The following NKIRAS1 variants were observed in gnomAD, a reference collection of about 807,000 sequenced individuals.
The protein encoded by NKIRAS1 is NF-kappa-B inhibitor-interacting Ras-like protein 1.
A neutral mutation model predicts 19.8 loss-of-function variants in NKIRAS1; 16 were observed. The observed-to-expected ratio is 0.81, with a 90% CI of 0.55 to 1.23. The LOEUF (loss-of-function observed/expected upper bound fraction) is 1.23, where lower values mean the gene tolerates loss of function less well. Among genes scored for constraint, NKIRAS1 ranks in the 50% most tolerant of loss-of-function variants. The probability of loss-of-function intolerance (pLI) is 0.00; values close to 1 mark genes in which losing one functional copy is unlikely to be tolerated. For missense variants in NKIRAS1, 184 were observed against 220.0 expected, an observed-to-expected ratio of 0.84 and a Z score of 1.04; for synonymous variants, 88 against 79.0, an observed-to-expected ratio of 1.11 and a Z score of -0.61.
intron 1 of NKIRAS1, among the ~76,000 whole-genome samples, chr3:23,937,173 GT>G (rs1406347949): frequency 1.6e-5 from 2 of 122,860 alleles, no homozygotes; most frequent in African/African-American, 6.0e-5. Flanking sequence ...TGAGGCTAGA[GT>G]TCGAGACCAG....
intron 1 of NKIRAS1, among the ~76,000 whole-genome samples, chr3:23,912,440 A>T (rs1473538818): frequency 6.6e-6 from 1 of 152,236 alleles, no homozygotes; most frequent in African/African-American, 2.4e-5. Context: ...ACATGAAAAA[A>T]TGCTCATCAT....
chr3:23,916,356 C>T (rs1704426304), intron 1 of NKIRAS1: 1 of 152,162 alleles, frequency 6.6e-6, no homozygotes, highest in Non-Finnish European at 1.5e-5. Flanking sequence ...CTCGGCATTT[C>T]TTCTCTAAAA....
intron 3 of NKIRAS1, among the ~76,000 whole-genome samples, chr3:23,906,100 AGT>A (rs1703019654): frequency 7.1e-6 from 1 of 140,780 alleles, no homozygotes; most frequent in Admixed American, 7.8e-5. Context: ...TGGAGGTTGC[AGT>A]GAGCCGAGAT....
At chr3:23,946,148 G>A (rs1705694319) in intron 1 of NKIRAS1, 2 of 985,096 alleles carry the variant, frequency 2.0e-6, no homozygotes, top group Non-Finnish European at 1.2e-6. Flanking sequence ...GTTGCACACT[G>A]CGGAGGAGGC....
At chr3:23,902,114 A>G (rs1003245186) in intron 3 of NKIRAS1, among the ~76,000 whole-genome samples, 1 of 152,084 alleles carries the variant, frequency 6.6e-6, no homozygotes, top group Non-Finnish European at 1.5e-5. Context: ...TGAATGTGAG[A>G]TACATCCAGA....
In NKIRAS1 at chr3:23,890,165, T is replaced by C. The variant is rs1319529035; in HGVS notation, c.*2930A>G. Among the ~76,000 whole-genome samples the C allele has an allele frequency of 2.6e-5, 4 of 152,174 alleles. No homozygotes were observed. The highest frequency in any genetic ancestry group is 7.2e-5 in the African/African-American group (3 of 41,438). On this transcript the variant is annotated 3_prime_UTR_variant, in exon 5 of 5. Transcript: ENST00000425478. ...TAAGGGTCACATGAACACAGCTGGA[T>C]GTTCATTGCAGTCTGAAGCCTTGAC...
chr3:23,931,629 A>G (rs907832715), intron 1 of NKIRAS1, among the ~76,000 whole-genome samples: 1 of 152,148 alleles, frequency 6.6e-6, no homozygotes, highest in Non-Finnish European at 1.5e-5. Flanking sequence ...TTTAAGTTTA[A>G]TGCATTCATT....
upstream of NKIRAS1, chr3:23,920,204 A>T (rs955108818): frequency 7.1e-6 from 7 of 985,778 alleles, no homozygotes; most frequent in Admixed American, 3.7e-4. Context: ...CTTAGACGTC[A>T]ACCCTAAAAT....
intron 1 of NKIRAS1, among the ~76,000 whole-genome samples, chr3:23,915,377 G>C (rs1404266112): frequency 6.6e-6 from 1 of 152,116 alleles, no homozygotes; most frequent in African/African-American, 2.4e-5. Context: ...TTTGGTTTTA[G>C]CTTGGTGATA....
chr3:23,917,690 G>T, upstream of NKIRAS1: 1 of 665,434 alleles, frequency 1.5e-6, no homozygotes, highest in Non-Finnish European at 2.5e-6. Flanking sequence ...CTCCGTGGGC[G>T]CAGTGGTGGG....
At position 23,892,901 on chromosome 3, in the gene NKIRAS1, T is replaced by A. The variant is rs184386871; in HGVS notation, c.*194A>T. On this transcript the variant is annotated 3_prime_UTR_variant, in exon 5 of 5. Coordinates refer to ENST00000425478, the MANE Select transcript of NKIRAS1 (RefSeq NM_020345.4). ...AAACAATGAGAATAAGAATATATTA[T>A]TTCATATCAGGCAATAATAACCTTA... The A allele has an allele frequency of 4.3e-4, 178 of 409,390 alleles. 1 individual carries two copies. The East Asian group carries it at 6.6e-3, about 15-fold the overall frequency. 25.4% of individuals were successfully genotyped at this position (409,390 alleles called of 1,614,324 possible).
chr3:23,898,507 A>T (rs1397584971), intron 4 of NKIRAS1, among the ~76,000 whole-genome samples: 5 of 150,528 alleles, frequency 3.3e-5, no homozygotes, highest in African/African-American at 1.2e-4. Flanking sequence ...CAATGGCATG[A>T]TCTCAGCTCA....
At chr3:23,895,986 A>C (rs6798052) in intron 4 of NKIRAS1, among the ~76,000 whole-genome samples, 1 of 151,406 alleles carries the variant, frequency 6.6e-6, no homozygotes, top group South Asian at 2.1e-4. Flanking sequence ...TACAAAAAAA[A>C]TAGCCGGGCA....
At chr3:23,912,830 C>G (rs903051917) in intron 1 of NKIRAS1, among the ~76,000 whole-genome samples, 1 of 151,958 alleles carries the variant, frequency 6.6e-6, no homozygotes, top group Non-Finnish European at 1.5e-5. Flanking sequence ...AGAAAATATG[C>G]CACATACGTC....
At chr3:23,921,714 A>G (rs762026925), upstream of NKIRAS1, 171 of 648,234 alleles carry the variant, frequency 2.6e-4, no homozygotes, top group Non-Finnish European at 4.2e-4. Context: ...AGCCAGGACT[A>G]CAGGCGCACA....
chr3:23,893,170 A>G lies in NKIRAS1; in HGVS notation c.504T>C (p.Leu168=). 6.2e-7 allele frequency: 1 copy of G among 1,611,912 alleles called. No individual in the cohort carries two copies. Among genetic ancestry groups the G allele is most frequent in the Non-Finnish European group, 8.5e-7 (1 of 1,179,112 alleles). ...IEPFTLLASK[L]SQPQSKSSFP... is the part of the protein sequence containing the mutation. ...AGCTTGATTTGCTCTGGGGTTGAGA[A>G]AGTTTACTGGCTAATAAAGTGAATG... The change falls in exon 5 of 5, where the codon CTT becomes CTC. Residue 168 remains leucine, a synonymous_variant. Coordinates refer to ENST00000425478, the MANE Select transcript of NKIRAS1 (RefSeq NM_020345.4).
At chr3:23,897,622 T>G (rs1301203540) in intron 4 of NKIRAS1, among the ~76,000 whole-genome samples, 1 of 152,132 alleles carries the variant, frequency 6.6e-6, no homozygotes, top group African/African-American at 2.4e-5. Flanking sequence ...GGCAAGCAAA[T>G]TCCGACCTCA....
chr3:23,937,352 A>AAG (rs1211674402), intron 1 of NKIRAS1, among the ~76,000 whole-genome samples: 3 of 151,970 alleles, frequency 2.0e-5, no homozygotes, highest in African/African-American at 7.3e-5. Flanking sequence ...AAAGAAAAAA[A>AAG]GAAAAGAAAA....
intron 1 of NKIRAS1, among the ~76,000 whole-genome samples, chr3:23,934,288 A>C (rs966736076): frequency 3.9e-5 from 6 of 152,194 alleles, no homozygotes; most frequent in Non-Finnish European, 8.8e-5. Context: ...ACCCCCAAAC[A>C]AACCACTCCA....
Sources: gnomAD v4.1 joint callset for allele counts (sites outside exome capture counted in the v4.1 genomes callset) on GRCh38, gnomAD v4.1.1 for gene constraint, MANE v1.5 for transcripts, NCBI Gene and HGNC (gene_info 2026-07-23, HGNC 2026-07-21) for gene names.